Variants in ROBO2 observed in about 807,000 individuals in gnomAD.
ROBO2 encodes roundabout homolog 2.
In ROBO2, 53 loss-of-function variants were observed where a neutral mutation model predicts 160.8. The observed-to-expected ratio is 0.33, with a 90% CI of 0.26 to 0.41. The LOEUF is 0.41. Among genes scored for constraint, ROBO2 ranks in the 10% least tolerant of loss-of-function variants. ROBO2 has a pLI of 1.00. For missense variants in ROBO2, 1,577 were observed against 1,722.4 expected (o/e 0.92, Z 1.49); for synonymous variants, 664 against 611.7 (o/e 1.09, Z -1.26).
intron 2 of ROBO2, among the ~76,000 whole-genome samples, chr3:77,411,928 C>T (rs1338214030): frequency 6.6e-6 from 1 of 152,142 alleles, no homozygotes; most frequent in Non-Finnish European, 1.5e-5. Flanking sequence ...TTCAAATGTT[C>T]AAATTACATT....
intron 1 of ROBO2, among the ~76,000 whole-genome samples, chr3:75,925,476 G>C (rs967621457): frequency 2.0e-5 from 3 of 152,110 alleles, no homozygotes; most frequent in African/African-American, 4.8e-5. Flanking sequence ...ATTATATGAG[G>C]CTGGGATGGT....
At chr3:77,018,316 C>T (rs2062413127) in intron 2 of ROBO2, among the ~76,000 whole-genome samples, 1 of 152,160 alleles carries the variant, frequency 6.6e-6, no homozygotes, top group Non-Finnish European at 1.5e-5. Context: ...AACCTGACCT[C>T]AAGTGATCTG....
At chr3:76,322,451 A>T (rs1040745969) in intron 2 of ROBO2, among the ~76,000 whole-genome samples, 1 of 151,944 alleles carries the variant, frequency 6.6e-6, no homozygotes, top group African/African-American at 2.4e-5. Flanking sequence ...AGTTCTTCAT[A>T]TCATAATCAC....
At chr3:76,413,998 G>C (rs2075627483) in intron 2 of ROBO2, among the ~76,000 whole-genome samples, 1 of 152,156 alleles carries the variant, frequency 6.6e-6, no homozygotes, top group Non-Finnish European at 1.5e-5. Context: ...ATCATGGCAG[G>C]AGGCAAAAGG....
chr3:77,460,351 T>C (rs1341581744), intron 2 of ROBO2, among the ~76,000 whole-genome samples: 1 of 152,120 alleles, frequency 6.6e-6, no homozygotes, highest in Non-Finnish European at 1.5e-5. Context: ...ATTTTGGTAA[T>C]GTTGAGTTAC....
intron 2 of ROBO2, among the ~76,000 whole-genome samples, chr3:76,692,988 GTGTATGTATATA>G (rs932374503): frequency 4.1e-5 from 6 of 148,070 alleles, no homozygotes; most frequent in East Asian, 2.0e-4. Context: ...ATACACATAT[GTGTATGTATATA>G]TGTATGTATA....
At chr3:76,611,041 G>A (rs886438057) in intron 2 of ROBO2, among the ~76,000 whole-genome samples, 2 of 152,194 alleles carry the variant, frequency 1.3e-5, no homozygotes, top group African/African-American at 4.8e-5. Flanking sequence ...GCTGGACTTA[G>A]AACGGTGGAG....
At chr3:75,961,517 A>T (rs1168754696) in intron 2 of ROBO2, among the ~76,000 whole-genome samples, 2 of 151,692 alleles carry the variant, frequency 1.3e-5, no homozygotes, top group Admixed American at 1.3e-4. Flanking sequence ...ATTACTTCTA[A>T]GTAATAAATA....
intron 2 of ROBO2, among the ~76,000 whole-genome samples, chr3:77,397,654 T>C (rs1245520546): frequency 2.0e-5 from 3 of 152,170 alleles, no homozygotes; most frequent in Non-Finnish European, 4.4e-5. Context: ...GTGTGTATGC[T>C]ATCTTCCTGT....
chr3:77,495,434 T>A (rs1254750839), intron 5 of ROBO2, among the ~76,000 whole-genome samples: 1 of 152,170 alleles, frequency 6.6e-6, no homozygotes, highest in African/African-American at 2.4e-5. Context: ...AGTGTATACA[T>A]TATTTGGCTC....
intron 2 of ROBO2, among the ~76,000 whole-genome samples, chr3:77,260,495 G>A (rs938103947): frequency 6.6e-6 from 1 of 152,104 alleles, no homozygotes; most frequent in Admixed American, 6.6e-5. Context: ...GTGATCCTTA[G>A]AACCATGATT....
At chr3:76,231,930 TTTA>T (rs1348607791) in intron 2 of ROBO2, among the ~76,000 whole-genome samples, 1 of 152,222 alleles carries the variant, frequency 6.6e-6, no homozygotes, top group Non-Finnish European at 1.5e-5. Context: ...TTGATAATTT[TTTA>T]TTACTTATTC....
intron 16 of ROBO2, among the ~76,000 whole-genome samples, chr3:77,581,496 T>G (rs1321151805): frequency 1.3e-5 from 2 of 152,116 alleles, no homozygotes; most frequent in Admixed American, 1.3e-4. Flanking sequence ...TGAGGCTTAT[T>G]TATTTCCATA....
chr3:77,483,556 A>G (rs973152651), intron 4 of ROBO2, among the ~76,000 whole-genome samples: 1 of 151,726 alleles, frequency 6.6e-6, no homozygotes, highest in Non-Finnish European at 1.5e-5. Flanking sequence ...TTTTATTTTC[A>G]TGGAGCAGCA....
chr3:77,426,470 A>G (rs2078214486), intron 2 of ROBO2, among the ~76,000 whole-genome samples: 1 of 152,090 alleles, frequency 6.6e-6, no homozygotes, highest in Non-Finnish European at 1.5e-5. Flanking sequence ...TTAAGGTAAC[A>G]GATAAGGATT....
At chr3:76,506,785 C>T (rs961999163) in intron 2 of ROBO2, among the ~76,000 whole-genome samples, 4 of 152,050 alleles carry the variant, frequency 2.6e-5, no homozygotes, top group Non-Finnish European at 4.4e-5. Flanking sequence ...GAGGCTTGTT[C>T]AAGGAGGAGT....
At chr3:76,962,645 A>C (rs2149242873) in intron 2 of ROBO2, among the ~76,000 whole-genome samples, 1 of 150,796 alleles carries the variant, frequency 6.6e-6, no homozygotes, top group Non-Finnish European at 1.5e-5. Context: ...TCTCAGAAAA[A>C]AAAAAAAAAA....
intron 2 of ROBO2, among the ~76,000 whole-genome samples, chr3:76,031,128 A>G (rs2066906737): frequency 6.6e-6 from 1 of 152,110 alleles, no homozygotes; most frequent in African/African-American, 2.4e-5. Flanking sequence ...TCTTCATAGC[A>G]GTTGTGAATG....
intron 2 of ROBO2, among the ~76,000 whole-genome samples, chr3:76,836,463 A>G (rs1371615616): frequency 6.6e-6 from 1 of 151,246 alleles, no homozygotes; most frequent in Non-Finnish European, 1.5e-5. Context: ...TCTTGAATTA[A>G]AAAAAGACTT....
Sources: allele counts gnomAD v4.1 joint callset (sites outside exome capture counted in the v4.1 genomes callset), GRCh38; gene constraint gnomAD v4.1.1; transcripts MANE v1.5; gene names NCBI Gene and HGNC (gene_info 2026-07-23, HGNC 2026-07-21).